PRMT3: variants seen among roughly 807,000 people sequenced by gnomAD.
PRMT3 encodes the protein protein arginine N-methyltransferase 3.
Under a neutral mutation model 71.9 loss-of-function variants are expected in PRMT3, and 62 were observed. The observed-to-expected ratio is 0.86, with a 90% CI of 0.70 to 1.07. PRMT3 has a LOEUF of 1.07. PRMT3 is among the 50% of genes least tolerant of loss of function. PRMT3 has a pLI of 0.00. For missense variants in PRMT3, 663 were observed against 643.0 expected (o/e 1.03, Z -0.34); for synonymous variants, 213 against 220.4 (o/e 0.97, Z 0.30).
chr11:20,462,851 T>C (rs1352482706), intron 12 of PRMT3, among the ~76,000 whole-genome samples: 1 of 151,906 alleles, frequency 6.6e-6, no homozygotes, highest in African/African-American at 2.4e-5. Context: ...AGTGTTAGGT[T>C]CAGGATATTG....
At chr11:20,410,492 AAAAT>A (rs1458356573) in intron 9 of PRMT3, among the ~76,000 whole-genome samples, 1 of 26,586 alleles carries the variant, frequency 3.8e-5, no homozygotes, top group African/African-American at 5.5e-5. Context: ...ATGATTTTTC[AAAAT>A]AAATAGGTAG....
chr11:20,392,483 C>T (rs115828703), intron 4 of PRMT3, among the ~76,000 whole-genome samples: 1,726 of 152,098 alleles, frequency 0.011, 38 homozygotes, highest in African/African-American at 0.039. Flanking sequence ...AGAGATGAAT[C>T]GGTGTATGTG....
chr11:20,389,895 T>A, intron 3 of PRMT3, 69 bp downstream of exon 3: 1 of 1,172,782 alleles, frequency 8.5e-7, no homozygotes, highest in Non-Finnish European at 1.3e-6. Context: ...CTCACACCTG[T>A]AATCCCAGCA....
intron 11 of PRMT3, among the ~76,000 whole-genome samples, chr11:20,456,608 T>C (rs1000124689): frequency 6.6e-6 from 1 of 152,160 alleles, no homozygotes; most frequent in African/African-American, 2.4e-5. Context: ...TTATACTGAG[T>C]CTTGGTCAGG....
chr11:20,478,473 G>A (rs183950805), intron 13 of PRMT3, among the ~76,000 whole-genome samples: 17 of 151,338 alleles, frequency 1.1e-4, no homozygotes, highest in African/African-American at 3.2e-4. Flanking sequence ...GAAGGCTGCA[G>A]CAAGCAATGA....
chr11:20,443,384 TTTC>T (rs1415402565), intron 10 of PRMT3, among the ~76,000 whole-genome samples: 16 of 152,180 alleles, frequency 1.1e-4, no homozygotes, highest in African/African-American at 3.9e-4. Flanking sequence ...TTTAGGGCAG[TTTC>T]TTCTTAGAGT....
At chr11:20,400,056 G>A (rs561280814) in intron 7 of PRMT3, among the ~76,000 whole-genome samples, 1 of 152,312 alleles carries the variant, frequency 6.6e-6, no homozygotes, top group Non-Finnish European at 1.5e-5. Context: ...TGCCTTGGAT[G>A]AATGTGAAGC....
chr11:20,404,527 G>A (rs575978089), intron 8 of PRMT3, among the ~76,000 whole-genome samples: 1 of 151,984 alleles, frequency 6.6e-6, no homozygotes, highest in South Asian at 2.1e-4. Flanking sequence ...CCACCACGCC[G>A]GCCCTTCATA....
rs1037976507 is a variant in PRMT3 at position 20,425,808 on chromosome 11, A to G, written c.894-958A>G. Among the ~76,000 whole-genome samples the G allele has an allele frequency of 5.9e-5, 9 of 152,248 alleles. No individual in the cohort carries two copies. In the South Asian group the frequency reaches 1.4e-3, roughly 25 times the overall value. ...GGAAGAGGAAATGTTCTATATATTG[A>G]TTGTGGTGGTCAACAAAGTATCTGT... On this transcript the variant is annotated intron_variant, in intron 9 of 15. Transcript: ENST00000331079.
Position 20,387,937 on chromosome 11 carries a change from A to G in PRMT3, c.29-82A>G, listed in dbSNP as rs1378093488. On this transcript the variant is annotated intron_variant, in intron 1 of 15. Transcript: ENST00000331079. The surrounding 1 kb of genome is among the most constrained non-coding windows in gnomAD (Gnocchi z 4.3). ...GGGCCGCGGGCGAACGGGGCGGAGGAGAGCCCATCGTCACCTGCTCCTCGA... is the reference window on the plus strand; with the variant it reads ...GGGCCGCGGGCGAACGGGGCGGAGGGGAGCCCATCGTCACCTGCTCCTCGA... 2.5e-6 allele frequency: 4 copies of G among 1,600,418 alleles called. No individual in the cohort carries two copies. The East Asian group carries it at 6.7e-5, about 27-fold the overall frequency.
At chr11:20,494,435 G>A (rs1016707036) in intron 15 of PRMT3, among the ~76,000 whole-genome samples, 181 bp downstream of exon 15, 1 of 152,178 alleles carries the variant, frequency 6.6e-6, no homozygotes, top group East Asian at 1.9e-4. Context: ...CTGGGTTCAA[G>A]CAGTTCTCCT....
chr11:20,464,570 A>G, intron 13 of PRMT3, 24 bp downstream of exon 13: 2 of 1,604,840 alleles, frequency 1.2e-6, no homozygotes, highest in Non-Finnish European at 1.7e-6. Flanking sequence ...TTCTGCTTTT[A>G]CAAATTTCAC....
chr11:20,473,217 GTC>G (rs979852582), intron 13 of PRMT3, among the ~76,000 whole-genome samples: 2 of 151,682 alleles, frequency 1.3e-5, no homozygotes, highest in South Asian at 2.1e-4. Flanking sequence ...GGTTTTTTGT[GTC>G]TCTATCTTCT....
Position 20,387,898 on chromosome 11 carries a change from G to T in PRMT3, c.29-121G>T. On this transcript the variant is annotated intron_variant, in intron 1 of 15. Transcript: ENST00000331079. This position sits in a 1 kb window ranked among gnomAD's most constrained non-coding sequence, Gnocchi z 4.3. ...TGGGGGGCTCGCAGGGATCATGAAG[G>T]AGGTGCTGAGTGAGGGCCGCGGGCG... 2 of 1,553,180 alleles carry T rather than the reference G, an allele frequency of 1.3e-6. No individual in the cohort carries two copies. Among genetic ancestry groups the T allele is most frequent in the Middle Eastern group, 3.4e-4 (2 of 5,938 alleles).
chr11:20,498,772 A>T (rs1030162334), intron 15 of PRMT3, among the ~76,000 whole-genome samples: 1 of 152,228 alleles, frequency 6.6e-6, no homozygotes, highest in Non-Finnish European at 1.5e-5. Flanking sequence ...TGTAGGAAAG[A>T]TGATTAATTG....
chr11:20,500,097 G>A (rs891728253), intron 15 of PRMT3, among the ~76,000 whole-genome samples: 6 of 152,192 alleles, frequency 3.9e-5, no homozygotes, highest in Admixed American at 6.5e-5. Flanking sequence ...CACAGACAGC[G>A]AGAGCTCCTG....
intron 9 of PRMT3, among the ~76,000 whole-genome samples, chr11:20,412,402 C>G (rs909018871): frequency 5.9e-5 from 9 of 151,992 alleles, no homozygotes; most frequent in African/African-American, 1.9e-4. Flanking sequence ...TCTGAACCCC[C>G]CCCCCACCTT....
intron 15 of PRMT3, among the ~76,000 whole-genome samples, chr11:20,502,321 C>T (rs1366673464): frequency 6.6e-6 from 1 of 152,208 alleles, no homozygotes; most frequent in Non-Finnish European, 1.5e-5. Context: ...GGGAGATCAG[C>T]AGTGTGAATT....
intron 13 of PRMT3, among the ~76,000 whole-genome samples, chr11:20,487,756 G>T (rs1341726471): frequency 6.6e-6 from 1 of 152,216 alleles, no homozygotes; most frequent in African/African-American, 2.4e-5. Context: ...AGGAAGAAAT[G>T]TGAGGTATCA....
Sources: gnomAD v4.1 joint callset for allele counts (sites outside exome capture counted in the v4.1 genomes callset) on GRCh38, gnomAD v4.1.1 for gene constraint, Gnocchi (gnomAD v3.1) non-coding constraint, MANE v1.5 for transcripts, NCBI Gene and HGNC (gene_info 2026-07-23, HGNC 2026-07-21) for gene names.